The following UTRN variants were observed in gnomAD, a reference collection of about 807,000 sequenced individuals.
The protein encoded by UTRN is dystrophin-related protein 1.
UTRN carries 283 observed loss-of-function variants against 463.9 expected under a neutral mutation model. The ratio of observed to expected loss-of-function variants is 0.61; its 90% CI spans 0.55 to 0.67. The LOEUF (loss-of-function observed/expected upper bound fraction) is 0.67, where lower values mean the gene tolerates loss of function less well. Ranked by LOEUF, UTRN falls within the 30% of genes least tolerant of loss-of-function variation. The pLI, the probability that UTRN is intolerant of heterozygous loss-of-function variation, is 0.00. For missense variants in UTRN, 3,922 were observed against 4,084.3 expected, an observed-to-expected ratio of 0.96 and a Z score of 1.08; for synonymous variants, 1,442 against 1,431.5, an observed-to-expected ratio of 1.01 and a Z score of -0.17.
intron 52 of UTRN, among the ~76,000 whole-genome samples, chr6:144,695,084 T>C (rs1783849166): frequency 6.6e-6 from 1 of 152,104 alleles, no homozygotes; most frequent in Non-Finnish European, 1.5e-5. Flanking sequence ...TGCGCTAAAG[T>C]TGATATTAAA....
chr6:144,539,199 C>A, intron 44 of UTRN, 95 bp from the exon 45 acceptor site: 2 of 1,304,178 alleles, frequency 1.5e-6, no homozygotes, highest in Non-Finnish European at 2.1e-6. Flanking sequence ...TAGAAAGTTA[C>A]ATTTGTAATA....
At chr6:144,459,737 T>G (rs973027247) in intron 21 of UTRN, among the ~76,000 whole-genome samples, 1 of 152,082 alleles carries the variant, frequency 6.6e-6, no homozygotes, top group Non-Finnish European at 1.5e-5. Context: ...ACTACAGGCA[T>G]GCACCACCAT....
intron 2 of UTRN, among the ~76,000 whole-genome samples, chr6:144,374,099 T>A (rs1273655515): frequency 1.3e-5 from 2 of 152,184 alleles, no homozygotes; most frequent in African/African-American, 4.8e-5. Context: ...TTGGGTACTC[T>A]CAACTCCCGT....
intron 52 of UTRN, among the ~76,000 whole-genome samples, chr6:144,691,404 A>C (rs763109604): frequency 2.6e-5 from 4 of 152,276 alleles, no homozygotes; most frequent in Non-Finnish European, 5.9e-5. Flanking sequence ...GGCGTGAGCC[A>C]CTGCACCTGG....
chr6:144,630,746 TA>T (rs758636525), intron 51 of UTRN, among the ~76,000 whole-genome samples: 7 of 152,208 alleles, frequency 4.6e-5, no homozygotes, highest in African/African-American at 7.2e-5. Context: ...TTACTCTGCA[TA>T]CCATTAATAT....
chr6:144,530,023 AT>A (rs1283609966), intron 41 of UTRN, among the ~76,000 whole-genome samples: 4 of 152,318 alleles, frequency 2.6e-5, no homozygotes, highest in African/African-American at 7.2e-5. Flanking sequence ...CCTCTGTCTT[AT>A]TGCATAACGG....
chr6:144,773,994 C>A (rs753624098), intron 59 of UTRN, among the ~76,000 whole-genome samples: 3 of 152,128 alleles, frequency 2.0e-5, no homozygotes, highest in Non-Finnish European at 4.4e-5. Context: ...ACTACTGAGG[C>A]CTTCCAGTCT....
At chr6:144,622,886 C>T (rs1775576704) in intron 51 of UTRN, among the ~76,000 whole-genome samples, 1 of 152,184 alleles carries the variant, frequency 6.6e-6, no homozygotes, top group South Asian at 2.1e-4. Context: ...CATTCTGGAT[C>T]ACCTTTGTTT....
chr6:144,699,135 C>A (rs569065269), intron 52 of UTRN, among the ~76,000 whole-genome samples: 63 of 152,086 alleles, frequency 4.1e-4, no homozygotes, highest in Non-Finnish European at 7.9e-4. Flanking sequence ...TCAGTAATTT[C>A]CATTCCTAAA....
chr6:144,649,648 C>T (rs1187418690), intron 51 of UTRN, among the ~76,000 whole-genome samples: 1 of 151,516 alleles, frequency 6.6e-6, no homozygotes, highest in Non-Finnish European at 1.5e-5. Context: ...ATCTGTAAGC[C>T]GGGAACTTAA....
intron 66 of UTRN, among the ~76,000 whole-genome samples, chr6:144,822,543 A>G (rs906553227): frequency 3.9e-5 from 6 of 152,256 alleles, no homozygotes; most frequent in African/African-American, 1.4e-4. Flanking sequence ...GTCTTTCTAA[A>G]CATTCTTTTG....
chr6:144,494,600 T>C (rs1025481907), intron 33 of UTRN, among the ~76,000 whole-genome samples: 5 of 152,166 alleles, frequency 3.3e-5, no homozygotes, highest in African/African-American at 1.2e-4. Flanking sequence ...ATCCTGCTGA[T>C]TGGTAGAGAC....
At chr6:144,831,961 C>T (rs1780709366) in intron 69 of UTRN, among the ~76,000 whole-genome samples, 1 of 138,080 alleles carries the variant, frequency 7.2e-6, no homozygotes, top group South Asian at 2.1e-4. Context: ...GAATGAATCA[C>T]AGTTTTTTTG....
chr6:144,308,179 T>C (rs898163617), intron 2 of UTRN, among the ~76,000 whole-genome samples: 4 of 152,212 alleles, frequency 2.6e-5, no homozygotes, highest in Admixed American at 6.5e-5. Flanking sequence ...TACTCTTGTT[T>C]TAGTGATTTG....
In UTRN at chr6:144,610,758, C is replaced by G. The variant is rs374622102; in HGVS notation, c.7479+33470C>G. Reference sequence around the variant, plus strand: ...GGCGTGGTGGCACTTGCCTGTAATCCTAGCTACTTGAGAGGCTGAAGCAGG... The same window carrying G: ...GGCGTGGTGGCACTTGCCTGTAATCGTAGCTACTTGAGAGGCTGAAGCAGG... On this transcript the variant is annotated intron_variant, in intron 51 of 74. Coordinates refer to ENST00000367545, the MANE Select transcript of UTRN (RefSeq NM_007124.3). Among the ~76,000 whole-genome samples the G allele has an allele frequency of 8.5e-5, 13 of 152,260 alleles. No homozygotes were observed. The East Asian group carries it at 1.7e-3, about 20-fold the overall frequency.
chr6:144,684,515 T>C (rs2128687730), intron 52 of UTRN, among the ~76,000 whole-genome samples: 1 of 152,326 alleles, frequency 6.6e-6, no homozygotes, highest in East Asian at 1.9e-4. Context: ...GGGAGTCAGT[T>C]AACATTTCCT....
chr6:144,473,055 C>A (rs1174762327), intron 23 of UTRN, among the ~76,000 whole-genome samples: 1 of 152,126 alleles, frequency 6.6e-6, no homozygotes, highest in African/African-American at 2.4e-5. Flanking sequence ...CGTGAGCCAC[C>A]GTACCTGGCC....
At chr6:144,703,874 T>A (rs978403158) in intron 53 of UTRN, among the ~76,000 whole-genome samples, 2 of 152,144 alleles carry the variant, frequency 1.3e-5, no homozygotes, top group African/African-American at 4.8e-5. Context: ...AGAAAGAATG[T>A]AGGGTCAAGT....
At chr6:144,498,501 G>T (rs1383216983) in intron 33 of UTRN, among the ~76,000 whole-genome samples, 3 of 152,056 alleles carry the variant, frequency 2.0e-5, no homozygotes, top group Non-Finnish European at 4.4e-5. Flanking sequence ...TTGTGAAAAT[G>T]GTGCTATTTT....
Sources: allele counts gnomAD v4.1 joint callset (sites outside exome capture counted in the v4.1 genomes callset), GRCh38; gene constraint gnomAD v4.1.1; transcripts MANE v1.5; gene names NCBI Gene and HGNC (gene_info 2026-07-23, HGNC 2026-07-21).